CMSS1: variants seen among roughly 807,000 people sequenced by gnomAD.
CMSS1 encodes cms1 ribosomal small subunit homolog, also known as protein CMSS1.
A neutral mutation model predicts 43.5 loss-of-function variants in CMSS1; 33 were observed. That is an observed-to-expected ratio of 0.76 (90% CI 0.57 to 1.01). CMSS1 has a LOEUF of 1.01. Among genes scored for constraint, CMSS1 ranks in the 50% least tolerant of loss-of-function variants. CMSS1 has a pLI of 0.00. For synonymous variants in CMSS1, 115 were observed against 117.2 expected (o/e 0.98, Z 0.12); for missense variants, 313 against 326.4 (o/e 0.96, Z 0.32).
At chr3:99,889,284 C>G (rs890387831) in intron 1 of CMSS1, among the ~76,000 whole-genome samples, 3 of 152,104 alleles carry the variant, frequency 2.0e-5, no homozygotes, top group Non-Finnish European at 4.4e-5. Flanking sequence ...TAGATGCACA[C>G]AAATTCAAAC....
At position 99,817,890 on chromosome 3, in the gene CMSS1, TA is replaced by T; in HGVS notation, c.-89del. 3 of 1,395,394 alleles carry T rather than the reference TA, an allele frequency of 2.1e-6. No individual in the cohort carries two copies. The highest frequency in any genetic ancestry group is 1.2e-5 in the South Asian group (1 of 84,074). The allele number at this position is 1,395,394 out of a possible 1,614,324, so 86.4% of individuals were successfully genotyped here. A position where few individuals can be genotyped will look rare whatever the true frequency, so the allele number is the denominator to read the frequency against. ...GTCTAGCGGGAGCTCCGCGTGTAGC[TA>T]CGCCGGCCGCCTGGCTTTGAGACAA... On this transcript the variant is annotated 5_prime_UTR_variant, in exon 1 of 10. Transcript: ENST00000421999.
chr3:99,925,364 T>C (rs1231943770), intron 1 of CMSS1, among the ~76,000 whole-genome samples: 1 of 152,192 alleles, frequency 6.6e-6, no homozygotes, highest in African/African-American at 2.4e-5. Flanking sequence ...TGCTAGACTG[T>C]GAACTCCCTG....
intron 1 of CMSS1, among the ~76,000 whole-genome samples, chr3:99,987,543 AAAAG>A (rs1436441211): frequency 6.5e-4 from 98 of 151,032 alleles, no homozygotes; most frequent in African/African-American, 1.7e-3. Flanking sequence ...AAAAAAAAAA[AAAAG>A]AAAGAAAGAA....
chr3:100,094,494 C>A (rs2107442254), intron 1 of CMSS1, among the ~76,000 whole-genome samples: 1 of 152,060 alleles, frequency 6.6e-6, no homozygotes, highest in Admixed American at 6.5e-5. Context: ...TATAAAAACT[C>A]TTTGTCTAGA....
At chr3:100,141,708 A>C (rs553450865) in intron 1 of CMSS1, 30 of 385,654 alleles carry the variant, frequency 7.8e-5, no homozygotes, top group Non-Finnish European at 1.4e-4. Context: ...TTGAAAAAGG[A>C]CAGTGTACTT....
At chr3:99,995,628 A>G (rs1709655699) in intron 1 of CMSS1, among the ~76,000 whole-genome samples, 1 of 152,230 alleles carries the variant, frequency 6.6e-6, no homozygotes, top group Non-Finnish European at 1.5e-5. Flanking sequence ...CTTCCCCTGC[A>G]GCAAACTTCT....
At chr3:99,930,005 A>C (rs1314457255) in intron 1 of CMSS1, 1 of 1,613,426 alleles carries the variant, frequency 6.2e-7, no homozygotes. Context: ...TCAGCCTTTA[A>C]AATGCCTATG....
intron 1 of CMSS1, among the ~76,000 whole-genome samples, chr3:100,110,713 C>T (rs1361766391): frequency 6.6e-6 from 1 of 152,150 alleles, no homozygotes; most frequent in Non-Finnish European, 1.5e-5. Context: ...GTATAGCTCT[C>T]CATTACCTGT....
At chr3:99,841,820 A>G (rs1943144943) in intron 1 of CMSS1, among the ~76,000 whole-genome samples, 1 of 152,214 alleles carries the variant, frequency 6.6e-6, no homozygotes, top group Non-Finnish European at 1.5e-5. Flanking sequence ...CATAATCAAA[A>G]AAATTAAAAA....
intron 1 of CMSS1, among the ~76,000 whole-genome samples, chr3:99,881,780 G>T (rs898797042): frequency 6.6e-6 from 1 of 152,056 alleles, no homozygotes; most frequent in Non-Finnish European, 1.5e-5. Context: ...TGATCTGCCC[G>T]CCTCGGCCTT....
At chr3:99,925,610 A>T (rs796235963) in intron 1 of CMSS1, among the ~76,000 whole-genome samples, 72 of 152,256 alleles carry the variant, frequency 4.7e-4, no homozygotes, top group African/African-American at 1.7e-3. Context: ...AAAAGTAGGG[A>T]TTCAGAGAAG....
chr3:100,004,252 T>C (rs1011886705), intron 1 of CMSS1, among the ~76,000 whole-genome samples: 1 of 152,168 alleles, frequency 6.6e-6, no homozygotes, highest in Non-Finnish European at 1.5e-5. Context: ...GTGGGTTGCA[T>C]ATAATCAAGG....
At chr3:99,847,230 A>G (rs2107517969) in intron 1 of CMSS1, among the ~76,000 whole-genome samples, 1 of 152,306 alleles carries the variant, frequency 6.6e-6, no homozygotes, top group East Asian at 1.9e-4. Flanking sequence ...AAAACAAAAA[A>G]AAAAACTGTA....
At chr3:100,175,027 A>G (rs1023654774) in intron 8 of CMSS1, among the ~76,000 whole-genome samples, 1 of 152,158 alleles carries the variant, frequency 6.6e-6, no homozygotes, top group African/African-American at 2.4e-5. Flanking sequence ...TTCACTTGCT[A>G]TATCTCATGA....
chr3:99,918,181 T>G (rs1707013085), intron 1 of CMSS1, among the ~76,000 whole-genome samples: 1 of 152,150 alleles, frequency 6.6e-6, no homozygotes, highest in Non-Finnish European at 1.5e-5. Flanking sequence ...TTTCACCATT[T>G]TGGCCAGGCT....
chr3:99,824,367 C>T (rs921247243), intron 1 of CMSS1, among the ~76,000 whole-genome samples: 3 of 152,192 alleles, frequency 2.0e-5, no homozygotes, highest in Non-Finnish European at 4.4e-5. Context: ...TTATAATTCT[C>T]AGCAGAGCAC....
At chr3:100,063,823 C>T (rs941909058) in intron 1 of CMSS1, among the ~76,000 whole-genome samples, 25 of 152,214 alleles carry the variant, frequency 1.6e-4, no homozygotes, top group South Asian at 2.1e-4. Flanking sequence ...AATTTCTTCT[C>T]TCTGTAAAGA....
chr3:100,025,196 C>T (rs1336896308), intron 1 of CMSS1, among the ~76,000 whole-genome samples: 1 of 152,092 alleles, frequency 6.6e-6, no homozygotes, highest in Non-Finnish European at 1.5e-5. Flanking sequence ...TTTCCTATGC[C>T]TATAGTAGGG....
At chr3:99,967,903 G>A (rs1191271794) in intron 1 of CMSS1, among the ~76,000 whole-genome samples, 2 of 152,184 alleles carry the variant, frequency 1.3e-5, no homozygotes, top group Non-Finnish European at 2.9e-5. Context: ...GAAGGAGTAG[G>A]ATTTACAAAT....
Sources: gnomAD v4.1 joint callset for allele counts (sites outside exome capture counted in the v4.1 genomes callset) on GRCh38, gnomAD v4.1.1 for gene constraint, MANE v1.5 for transcripts, NCBI Gene and HGNC (gene_info 2026-07-23, HGNC 2026-07-21) for gene names.